The following ZNF804A variants were observed in gnomAD, a reference collection of about 807,000 sequenced individuals.
The protein encoded by ZNF804A is zinc finger protein 804A.
In ZNF804A, 2 loss-of-function variants were observed where a neutral mutation model predicts 16.5. The observed-to-expected ratio is 0.12, with a 90% confidence interval of 0.05 to 0.38. The LOEUF (loss-of-function observed/expected upper bound fraction) is 0.38, where lower values mean the gene tolerates loss of function less well. ZNF804A is among the 10% of genes least tolerant of loss of function. The pLI, the probability that ZNF804A is intolerant of heterozygous loss-of-function variation, is 0.99. For synonymous variants in ZNF804A, 534 were observed against 489.6 expected (o/e 1.09, Z -1.20); for missense variants, 1,473 against 1,390.7 (o/e 1.06, Z -0.94).
intron 2 of ZNF804A, 33 bp downstream of exon 2, chr2:184,866,545 T>C (rs1353126222): frequency 1.3e-6 from 2 of 1,580,872 alleles, no homozygotes; most frequent in Non-Finnish European, 1.7e-6. Context: ...TTCTGGCATT[T>C]CTGGACTTGT....
At chr2:184,777,562 A>AT (rs11420949) in intron 1 of ZNF804A, among the ~76,000 whole-genome samples, 13,158 of 150,438 alleles carry the variant, frequency 0.087, 1,924 homozygotes, top group African/African-American at 0.3. Context: ...TGCTGTCTAC[A>AT]TTTTTTTTTA....
chr2:184,746,136 G>A (rs978039709), intron 1 of ZNF804A, among the ~76,000 whole-genome samples: 5 of 151,232 alleles, frequency 3.3e-5, no homozygotes, highest in Admixed American at 1.3e-4. Flanking sequence ...ATAAAATCTG[G>A]ATATGTGGTA....
At chr2:184,623,993 TAGTC>T (rs1559110954) in intron 1 of ZNF804A, among the ~76,000 whole-genome samples, 1 of 152,254 alleles carries the variant, frequency 6.6e-6, no homozygotes, top group East Asian at 1.9e-4. Flanking sequence ...TTTAAACAAT[TAGTC>T]AGGGGGACTA....
At chr2:184,705,546 TCA>T (rs1433174160) in intron 1 of ZNF804A, among the ~76,000 whole-genome samples, 1 of 152,190 alleles carries the variant, frequency 6.6e-6, no homozygotes, top group Non-Finnish European at 1.5e-5. Context: ...AATTATAACC[TCA>T]GTCATTTTTG....
chr2:184,794,028 A>G (rs905138448), intron 1 of ZNF804A, among the ~76,000 whole-genome samples: 3 of 152,120 alleles, frequency 2.0e-5, no homozygotes, highest in African/African-American at 7.2e-5. Context: ...GCTGCTATAA[A>G]CATGTGTGTG....
At chr2:184,742,751 T>A (rs1360068439) in intron 1 of ZNF804A, among the ~76,000 whole-genome samples, 1 of 151,512 alleles carries the variant, frequency 6.6e-6, no homozygotes, top group African/African-American at 2.4e-5. Flanking sequence ...TATACATACA[T>A]AGCAAAGTTC....
At chr2:184,756,171 T>C (rs758032795) in intron 1 of ZNF804A, among the ~76,000 whole-genome samples, 5 of 151,948 alleles carry the variant, frequency 3.3e-5, no homozygotes, top group African/African-American at 4.8e-5. Context: ...TGATTTTATA[T>C]TGTATTTTTT....
chr2:184,920,031 G>C (rs138067500), intron 2 of ZNF804A, among the ~76,000 whole-genome samples: 46 of 152,140 alleles, frequency 3.0e-4, no homozygotes, highest in Admixed American at 5.2e-4. Flanking sequence ...AGGAGAATCA[G>C]TTGAACCTGG....
intron 2 of ZNF804A, among the ~76,000 whole-genome samples, chr2:184,910,945 TA>T (rs769693198): frequency 3.9e-5 from 6 of 152,092 alleles, no homozygotes; most frequent in African/African-American, 4.8e-5. Flanking sequence ...CTTTTGTTGA[TA>T]GTTTCTTTTG....
At chr2:184,867,993 AT>A (rs1466674801) in intron 2 of ZNF804A, among the ~76,000 whole-genome samples, 2 of 152,248 alleles carry the variant, frequency 1.3e-5, no homozygotes, top group Admixed American at 1.3e-4. Context: ...TGTCTTGAAG[AT>A]AAAACTTACT....
chr2:184,790,049 T>G (rs974683134), intron 1 of ZNF804A, among the ~76,000 whole-genome samples: 1 of 152,062 alleles, frequency 6.6e-6, no homozygotes. Context: ...TTTTAAAATA[T>G]TTTTTATTTC....
chr2:184,888,751 C>T (rs1684936477), intron 2 of ZNF804A, among the ~76,000 whole-genome samples: 1 of 151,634 alleles, frequency 6.6e-6, no homozygotes, highest in Admixed American at 6.6e-5. Context: ...TTATTGGAGG[C>T]ATAAAAAAGA....
At chr2:184,920,220 C>G (rs1241576697) in intron 2 of ZNF804A, among the ~76,000 whole-genome samples, 2 of 152,146 alleles carry the variant, frequency 1.3e-5, no homozygotes, top group African/African-American at 4.8e-5. Context: ...CCTGAGTTTT[C>G]TTTTCCTCTG....
In ZNF804A at chr2:184,937,804, T is replaced by C; in HGVS notation, c.2408T>C (p.Val803Ala). Residue 803 changes from valine (V) to alanine (A), a missense_variant, in exon 4 of 4, where the codon GTT (valine) becomes GCT (alanine). Val to Ala is a moderately conservative substitution (Grantham distance 64). Coordinates refer to ENST00000302277, the MANE Select transcript of ZNF804A (RefSeq NM_194250.2). ...EEFLRPPSTSVAPCKPKKKRR... is the reference protein window; with the variant it reads ...EEFLRPPSTSAAPCKPKKKRR... The stretch of plus-strand genomic sequence containing the variant: ...TTTTTGAGGCCACCAAGTACTTCAG[T>C]TGCTCCCTGCAAGCCTAAAAAGAAA... The C allele has an allele frequency of 1.9e-6, 3 of 1,614,120 alleles. No homozygotes were observed. The highest frequency in any genetic ancestry group is 2.5e-6 in the Non-Finnish European group (3 of 1,179,978).
At chr2:184,605,088 G>T (rs1222507766) in intron 1 of ZNF804A, among the ~76,000 whole-genome samples, 6 of 151,930 alleles carry the variant, frequency 3.9e-5, no homozygotes, top group African/African-American at 1.5e-4. Context: ...TTTATTAAAA[G>T]TATTATACAT....
chr2:184,915,200 G>A (rs924942155), intron 2 of ZNF804A, among the ~76,000 whole-genome samples: 2 of 151,838 alleles, frequency 1.3e-5, no homozygotes, highest in African/African-American at 4.8e-5. Context: ...TTAACATCTT[G>A]TATATTTTCT....
At chr2:184,683,126 T>A (rs1559125521) in intron 1 of ZNF804A, among the ~76,000 whole-genome samples, 1 of 152,244 alleles carries the variant, frequency 6.6e-6, no homozygotes, top group Admixed American at 6.5e-5. Context: ...CAGTATCTAT[T>A]TTATCTAATT....
chr2:184,695,732 A>G (rs1235237695), intron 1 of ZNF804A, among the ~76,000 whole-genome samples: 2 of 152,010 alleles, frequency 1.3e-5, no homozygotes, highest in Admixed American at 6.6e-5. Context: ...AAGACTTCTT[A>G]TAGCAGGTAT....
intron 2 of ZNF804A, among the ~76,000 whole-genome samples, chr2:184,879,262 G>A (rs1307645967): frequency 6.6e-6 from 1 of 151,930 alleles, no homozygotes; most frequent in Admixed American, 6.6e-5. Context: ...ATCTCCATGA[G>A]CATCTTTGAC....
Sources: allele counts gnomAD v4.1 joint callset (sites outside exome capture counted in the v4.1 genomes callset), GRCh38; gene constraint gnomAD v4.1.1; transcripts MANE v1.5; gene names NCBI Gene and HGNC (gene_info 2026-07-23, HGNC 2026-07-21).